Variants in CNTN4 observed in about 807,000 individuals in gnomAD.
CNTN4 encodes the protein contactin 4, also known as contactin-4.
Under a neutral mutation model 122.5 loss-of-function variants are expected in CNTN4, and 77 were observed. That is an observed-to-expected ratio of 0.63 (90% CI 0.52 to 0.76). The LOEUF is 0.76. CNTN4 is among the 30% of genes least tolerant of loss of function. CNTN4 has a pLI of 0.00. For synonymous variants in CNTN4, 512 were observed against 447.0 expected, an observed-to-expected ratio of 1.15 and a Z score of -1.83; for missense variants, 1,256 against 1,259.1, an observed-to-expected ratio of 1.00 and a Z score of 0.04.
chr3:2,757,321 C>CT, intron 6 of CNTN4, among the ~76,000 whole-genome samples: 1 of 152,226 alleles, frequency 6.6e-6, no homozygotes. Context: ...AGAATTGGCC[C>CT]TTTCTCCATA....
intron 13 of CNTN4, among the ~76,000 whole-genome samples, chr3:2,950,455 G>C (rs9839359): frequency 5.0e-4 from 76 of 152,330 alleles, no homozygotes; most frequent in African/African-American, 1.8e-3. Flanking sequence ...CTTGTGCTCA[G>C]CAGTTAGGCC....
Position 2,468,741 on chromosome 3 carries a change from C to T in CNTN4, c.-88-102675C>T, listed in dbSNP as rs112096108. ...TCTTCTCTATGCTTCTAAGTATCTT[C>T]GCCTTTAGTTCTCATGCATCTCAAG... On this transcript the variant is annotated intron_variant, in intron 3 of 24. Transcript: ENST00000418658. Among the ~76,000 whole-genome samples the T allele has an allele frequency of 1.3e-3, 196 of 151,978 alleles. No individual in the cohort carries two copies. The Middle Eastern group carries it at 0.014, about 11-fold the overall frequency.
intron 4 of CNTN4, among the ~76,000 whole-genome samples, chr3:2,603,290 G>A (rs1226391598): frequency 6.6e-6 from 1 of 152,118 alleles, no homozygotes; most frequent in Non-Finnish European, 1.5e-5. Context: ...TCTTGATATT[G>A]AAAATATACA....
At chr3:2,600,649 C>T (rs372960962) in intron 4 of CNTN4, among the ~76,000 whole-genome samples, 8 of 152,072 alleles carry the variant, frequency 5.3e-5, no homozygotes, top group African/African-American at 1.9e-4. Flanking sequence ...TGAATAGTGC[C>T]ACAATAAACA....
chr3:2,761,973 C>T (rs979988557), intron 6 of CNTN4, among the ~76,000 whole-genome samples: 1 of 152,086 alleles, frequency 6.6e-6, no homozygotes, highest in Non-Finnish European at 1.5e-5. Flanking sequence ...TTTCCTTCTT[C>T]CCATAAATAT....
chr3:2,662,508 T>A (rs755253960), intron 4 of CNTN4, among the ~76,000 whole-genome samples: 2 of 152,214 alleles, frequency 1.3e-5, no homozygotes, highest in Non-Finnish European at 2.9e-5. Flanking sequence ...AGGATACATT[T>A]CTTTCACCTG....
In CNTN4 at chr3:2,432,596, G is replaced by T. The variant is rs1325874955; in HGVS notation, c.-89+93363G>T. On this transcript the variant is annotated intron_variant, in intron 3 of 24. Transcript: ENST00000418658. Reference sequence around the variant, plus strand: ...TTCCACCCTGTGTGTGTGTGTATGTGTGTGTGTGCGTGTGTGTATGTGTGT... The same window carrying T: ...TTCCACCCTGTGTGTGTGTGTATGTTTGTGTGTGCGTGTGTGTATGTGTGT... 6.6e-5 allele frequency among the ~76,000 whole-genome samples: 10 copies of T among 152,006 alleles called. 1 individual carries two copies. In the South Asian group the frequency reaches 2.1e-3, roughly 32 times the overall value.
chr3:2,824,228 G>A (rs138042547), intron 7 of CNTN4, among the ~76,000 whole-genome samples: 2,448 of 151,490 alleles, frequency 0.016, 76 homozygotes, highest in African/African-American at 0.055. Context: ...GGAGGAGGCC[G>A]AGGCAGGTGG....
At chr3:2,824,587 G>A (rs2092947611) in intron 7 of CNTN4, among the ~76,000 whole-genome samples, 1 of 152,204 alleles carries the variant, frequency 6.6e-6, no homozygotes. Flanking sequence ...CTGAGATGGA[G>A]TGCTTCGATT....
intron 14 of CNTN4, among the ~76,000 whole-genome samples, chr3:3,003,715 CAAA>C (rs1206039949): frequency 1.2e-5 from 1 of 84,806 alleles, no homozygotes; most frequent in Non-Finnish European, 2.6e-5. Flanking sequence ...AAAAAAAAAA[CAAA>C]AAAACCCCAC....
At chr3:3,025,491 T>A (rs1698651269) in intron 14 of CNTN4, among the ~76,000 whole-genome samples, 1 of 152,176 alleles carries the variant, frequency 6.6e-6, no homozygotes, top group Non-Finnish European at 1.5e-5. Context: ...AAATCGTATT[T>A]GTCTCATTTT....
At chr3:2,981,600 T>C (rs1049811086) in intron 13 of CNTN4, among the ~76,000 whole-genome samples, 35 of 152,180 alleles carry the variant, frequency 2.3e-4, no homozygotes, top group Admixed American at 9.2e-4. Context: ...GAAAAACCGT[T>C]TTTCTAAGTT....
intron 3 of CNTN4, among the ~76,000 whole-genome samples, chr3:2,567,640 C>T (rs937807703): frequency 9.2e-5 from 14 of 152,160 alleles, no homozygotes; most frequent in African/African-American, 3.4e-4. Context: ...GACCACACAG[C>T]TGGAGAGTGG....
intron 4 of CNTN4, among the ~76,000 whole-genome samples, chr3:2,621,859 C>T (rs1285446808): frequency 6.6e-6 from 1 of 152,054 alleles, no homozygotes; most frequent in Non-Finnish European, 1.5e-5. Flanking sequence ...TCTGATTTAG[C>T]TTCTCAGAAG....
At chr3:2,677,522 C>CTATCTATT (rs1559377950) in intron 4 of CNTN4, among the ~76,000 whole-genome samples, 2 of 138,654 alleles carry the variant, frequency 1.4e-5, no homozygotes, top group African/African-American at 5.3e-5. Context: ...ATCTATCTAT[C>CTATCTATT]TGTAGAGAGA....
chr3:2,835,828 C>A (rs527773463), intron 7 of CNTN4, among the ~76,000 whole-genome samples: 1 of 151,912 alleles, frequency 6.6e-6, no homozygotes, highest in African/African-American at 2.4e-5. Context: ...AAAATCAGTA[C>A]CTTAAGTATT....
chr3:2,433,712 G>A (rs1222806067), intron 3 of CNTN4, among the ~76,000 whole-genome samples: 2 of 152,118 alleles, frequency 1.3e-5, no homozygotes, highest in Non-Finnish European at 2.9e-5. Flanking sequence ...ATGTTGCGGA[G>A]CATTTCCTGT....
intron 3 of CNTN4, among the ~76,000 whole-genome samples, chr3:2,485,002 G>T (rs1035795015): frequency 6.6e-6 from 1 of 152,206 alleles, no homozygotes; most frequent in East Asian, 1.9e-4. Context: ...CGCACTCAGA[G>T]CAGCGGGCTG....
rs552813739 is a variant in CNTN4 at position 2,653,178 on chromosome 3, A to T, written c.55+81620A>T. Among the ~76,000 whole-genome samples, 52 of 152,268 alleles carry T rather than the reference A, an allele frequency of 3.4e-4. 1 individual carries two copies. In the South Asian group the frequency reaches 0.01, roughly 30 times the overall value. ...ATGTGAAAGCTTTTTTAAAAATTGTAAATCTCCACAATTTTTAAAAATTGT... is the reference window on the plus strand; with the variant it reads ...ATGTGAAAGCTTTTTTAAAAATTGTTAATCTCCACAATTTTTAAAAATTGT... On this transcript the variant is annotated intron_variant, in intron 4 of 24. Coordinates refer to ENST00000418658, the MANE Select transcript of CNTN4 (RefSeq NM_175607.3).
Sources: gnomAD v4.1 joint callset for allele counts (sites outside exome capture counted in the v4.1 genomes callset) on GRCh38, gnomAD v4.1.1 for gene constraint, MANE v1.5 for transcripts, NCBI Gene and HGNC (gene_info 2026-07-23, HGNC 2026-07-21) for gene names.